The following RBFOX3 variants were observed in gnomAD, a reference collection of about 807,000 sequenced individuals.
RBFOX3 encodes the protein RNA binding fox-1 homolog 3, also known as RNA binding protein fox-1 homolog 3.
Under a neutral mutation model 48.7 loss-of-function variants are expected in RBFOX3, and 17 were observed. The ratio of observed to expected loss-of-function variants is 0.35; its 90% CI spans 0.24 to 0.52. RBFOX3 has a LOEUF of 0.52. Among genes scored for constraint, RBFOX3 ranks in the 20% least tolerant of loss-of-function variants. The probability of loss-of-function intolerance (pLI) is 0.94; values close to 1 mark genes in which losing one functional copy is unlikely to be tolerated. For synonymous variants in RBFOX3, 212 were observed against 209.5 expected (o/e 1.01, Z -0.10); for missense variants, 382 against 497.5 (o/e 0.77, Z 2.21).
chr17:79,211,733 T>C (rs985402857), intron 4 of RBFOX3, among the ~76,000 whole-genome samples: 6 of 152,076 alleles, frequency 3.9e-5, no homozygotes, highest in African/African-American at 9.7e-5. Flanking sequence ...ACTCCTCCAA[T>C]CCTAATATGA....
rs186316928 is a variant in RBFOX3, at chr17:79,115,201, G to A, written c.222+293C>T. On this transcript the variant is annotated intron_variant, in intron 5 of 14. Coordinates refer to ENST00000693108, the MANE Select transcript of RBFOX3 (RefSeq NM_001350451.2). The stretch of plus-strand genomic sequence containing the variant: ...CGAAGCAGGGAAGCCAGGCCCAGGC[G>A]GCTGGAGGACGGTGGCTGCCACCCC... Among the ~76,000 whole-genome samples the A allele has an allele frequency of 4.0e-3, 612 of 152,338 alleles. 3 individuals carry two copies. The highest frequency in any genetic ancestry group is 0.014 in the African/African-American group (587 of 41,586).
At chr17:79,373,720 C>G (rs1249938188) in intron 2 of RBFOX3, among the ~76,000 whole-genome samples, 1 of 152,116 alleles carries the variant, frequency 6.6e-6, no homozygotes, top group Non-Finnish European at 1.5e-5. Context: ...AACCCCCGAG[C>G]AGGAGCCGGG....
At position 79,525,273 on chromosome 17, in the gene RBFOX3, C is replaced by A. The variant is rs1056167321; in HGVS notation, c.-319-42675G>T. 2.9e-3 allele frequency among the ~76,000 whole-genome samples: 439 copies of A among 152,274 alleles called. 5 individuals carry two copies. The highest frequency in any genetic ancestry group is 2.6e-3 in the Non-Finnish European group (177 of 68,026). ...AAATGCAAGATGTCTCCAGACATTGCCAAATGTCCCCCCGGGGCAAAATCA... is the reference window on the plus strand; with the variant it reads ...AAATGCAAGATGTCTCCAGACATTGACAAATGTCCCCCCGGGGCAAAATCA... On this transcript the variant is annotated intron_variant, in intron 1 of 14. Transcript: ENST00000693108.
chr17:79,539,263 G>A (rs1449291471), intron 1 of RBFOX3, among the ~76,000 whole-genome samples: 1 of 152,306 alleles, frequency 6.6e-6, no homozygotes, highest in Non-Finnish European at 1.5e-5. Flanking sequence ...GAGGTGGGAA[G>A]ATCACTTGAG....
intron 2 of RBFOX3, among the ~76,000 whole-genome samples, chr17:79,343,973 T>A (rs1278151583): frequency 6.6e-6 from 1 of 152,160 alleles, no homozygotes; most frequent in Non-Finnish European, 1.5e-5. Context: ...TCCAGAGAGA[T>A]CCCACTCAAG....
intron 4 of RBFOX3, among the ~76,000 whole-genome samples, chr17:79,194,654 G>A (rs1884553929): frequency 6.6e-6 from 1 of 151,918 alleles, no homozygotes; most frequent in South Asian, 2.1e-4. Flanking sequence ...AGAGTTTTGT[G>A]TAGACCTGGT....
chr17:79,375,627 C>G (rs924021396), intron 2 of RBFOX3, among the ~76,000 whole-genome samples: 1 of 152,164 alleles, frequency 6.6e-6, no homozygotes, highest in African/African-American at 2.4e-5. Flanking sequence ...TGAGCAGACT[C>G]GGGCAAGTGG....
intron 2 of RBFOX3, among the ~76,000 whole-genome samples, chr17:79,358,624 C>T (rs777551107): frequency 6.6e-6 from 1 of 152,038 alleles, no homozygotes; most frequent in Admixed American, 6.6e-5. Flanking sequence ...TCACGCCTGG[C>T]TAATTTTTGT....
At position 79,103,119 on chromosome 17, in the gene RBFOX3, G is replaced by A. The variant is rs941500945; in HGVS notation, c.507+43C>T. The A allele has an allele frequency of 8.3e-6, 12 of 1,441,450 alleles. No individual in the cohort carries two copies. The highest frequency in any genetic ancestry group is 1.1e-5 in the Non-Finnish European group (12 of 1,047,996). The allele number at this position is 1,441,450 out of a possible 1,614,324, so 89.3% of individuals were successfully genotyped here. A position where few individuals can be genotyped will look rare whatever the true frequency, so the allele number is the denominator to read the frequency against. On this transcript the variant is annotated intron_variant, in intron 8 of 14. Transcript: ENST00000693108. This position sits in a 1 kb window ranked among gnomAD's most constrained non-coding sequence, Gnocchi z 6.1. ...GTTGGGGGAGCTGGGGGGCAGGTGG[G>A]CGATCTTGGGGCATCCCTGCCGCAG...
At chr17:79,288,445 C>T (rs747568655) in intron 3 of RBFOX3, among the ~76,000 whole-genome samples, 30 of 152,006 alleles carry the variant, frequency 2.0e-4, no homozygotes, top group Non-Finnish European at 4.4e-5. Context: ...GTAGTGGGGC[C>T]CGATAACCAC....
rs374158673 is a variant in RBFOX3 at position 79,361,084 on chromosome 17, C to T, written c.-174-53260G>A. On this transcript the variant is annotated intron_variant, in intron 2 of 14. Coordinates refer to ENST00000693108, the MANE Select transcript of RBFOX3 (RefSeq NM_001350451.2). This position sits in a 1 kb window ranked among gnomAD's most constrained non-coding sequence, Gnocchi z 4.5. Reference sequence around the variant, plus strand: ...AAAGGAAGGGAAAGGAATAAATGGCCGAACCCCTCCTAAGTCAAGAAAGAC... The same window carrying T: ...AAAGGAAGGGAAAGGAATAAATGGCTGAACCCCTCCTAAGTCAAGAAAGAC... Among the ~76,000 whole-genome samples, 3 of 152,026 alleles carry T rather than the reference C, an allele frequency of 2.0e-5. No individual in the cohort carries two copies. The highest frequency in any genetic ancestry group is 1.9e-4 in the East Asian group (1 of 5,176).
At chr17:79,346,587 G>T (rs1397718032) in intron 2 of RBFOX3, among the ~76,000 whole-genome samples, 4 of 152,108 alleles carry the variant, frequency 2.6e-5, no homozygotes, top group Non-Finnish European at 5.9e-5. Context: ...CTAATTTTTG[G>T]TGTCTTAATC....
At chr17:79,270,913 A>G (rs528083463) in intron 3 of RBFOX3, among the ~76,000 whole-genome samples, 41 of 152,360 alleles carry the variant, frequency 2.7e-4, no homozygotes, top group Non-Finnish European at 4.1e-4. Context: ...TCATTTTCCA[A>G]TGTTATGCAA....
intron 1 of RBFOX3, among the ~76,000 whole-genome samples, chr17:79,510,673 T>G (rs2084004671): frequency 2.0e-5 from 3 of 152,160 alleles, no homozygotes. Context: ...GAACCACCAG[T>G]GCATCTTAAA....
chr17:79,388,330 G>A (rs1346554498), intron 2 of RBFOX3, among the ~76,000 whole-genome samples: 2 of 152,154 alleles, frequency 1.3e-5, no homozygotes, highest in Admixed American at 1.3e-4. Flanking sequence ...AAGCACCCAG[G>A]CATGACCACG....
chr17:79,292,994 C>T (rs61565914), intron 3 of RBFOX3, among the ~76,000 whole-genome samples: 34,939 of 151,988 alleles, frequency 0.23, 4,062 homozygotes, highest in Middle Eastern at 0.32. Context: ...TGAAAAGAGG[C>T]CCCTGAAGAG....
At chr17:79,511,136 T>C (rs2050611517) in intron 1 of RBFOX3, among the ~76,000 whole-genome samples, 2 of 152,282 alleles carry the variant, frequency 1.3e-5, no homozygotes, top group South Asian at 4.1e-4. Flanking sequence ...ACTGCTTGGC[T>C]GGCAGAGGGC....
intron 2 of RBFOX3, among the ~76,000 whole-genome samples, chr17:79,351,991 C>A (rs1273141591): frequency 6.6e-6 from 1 of 152,028 alleles, no homozygotes; most frequent in African/African-American, 2.4e-5. Flanking sequence ...GGCCTGTGAA[C>A]CCCGGCTTCT....
chr17:79,466,513 G>A (rs1459516959), intron 2 of RBFOX3, among the ~76,000 whole-genome samples: 2 of 152,154 alleles, frequency 1.3e-5, no homozygotes, highest in African/African-American at 2.4e-5. Flanking sequence ...CTACTCCCTG[G>A]GACCTTGGGA....
Sources: gnomAD v4.1 joint callset for allele counts (sites outside exome capture counted in the v4.1 genomes callset) on GRCh38, gnomAD v4.1.1 for gene constraint, Gnocchi (gnomAD v3.1) non-coding constraint, MANE v1.5 for transcripts, NCBI Gene and HGNC (gene_info 2026-07-23, HGNC 2026-07-21) for gene names.